THSD4: variants seen among roughly 807,000 people sequenced by gnomAD.
THSD4 encodes the protein thrombospondin type 1 domain containing 4, also known as thrombospondin type-1 domain-containing protein 4.
Under a neutral mutation model 119.0 loss-of-function variants are expected in THSD4, and 69 were observed. That is an observed-to-expected ratio of 0.58 (90% CI 0.48 to 0.71). The LOEUF is 0.71. THSD4 is among the 30% of genes least tolerant of loss of function. The pLI is 0.00. For missense variants in THSD4, 1,393 were observed against 1,391.1 expected, an observed-to-expected ratio of 1.00 and a Z score of -0.02; for synonymous variants, 524 against 540.4, an observed-to-expected ratio of 0.97 and a Z score of 0.42.
intron 6 of THSD4, among the ~76,000 whole-genome samples, chr15:71,297,442 TCTC>T (rs1248604064): frequency 6.6e-6 from 1 of 151,956 alleles, no homozygotes; most frequent in Non-Finnish European, 1.5e-5. Flanking sequence ...TTCAAGTGAT[TCTC>T]CTGCCCCAGC....
At chr15:71,492,086 G>C (rs1477592149) in intron 7 of THSD4, among the ~76,000 whole-genome samples, 1 of 151,062 alleles carries the variant, frequency 6.6e-6, no homozygotes. Context: ...CTGTGGGCAT[G>C]TTAGCTGTTT....
In THSD4 at chr15:71,193,922, A is replaced by G. The variant is rs1055782396; in HGVS notation, c.100-21113A>G. On this transcript the variant is annotated intron_variant, in intron 3 of 17. Coordinates refer to ENST00000261862, the MANE Select transcript of THSD4 (RefSeq NM_024817.3). ...GAGACGGGGTTTCACCGTGTTAGCC[A>G]GGATGATCTCGATCTCCTGACCCCA... is the stretch of plus-strand genomic sequence containing the variant. Among the ~76,000 whole-genome samples the G allele has an allele frequency of 5.3e-5, 8 of 152,244 alleles. No homozygotes were observed. In the East Asian group the frequency reaches 5.8e-4, roughly 11 times the overall value.
chr15:71,170,233 A>C (rs2043343884), intron 3 of THSD4, among the ~76,000 whole-genome samples: 1 of 152,210 alleles, frequency 6.6e-6, no homozygotes, highest in African/African-American at 2.4e-5. Flanking sequence ...GGAGAGAACT[A>C]CACAGACAGA....
rs150507719 is a variant in THSD4, at chr15:71,241,826, C to T, written c.465-823C>T. 9.7e-4 allele frequency among the ~76,000 whole-genome samples: 147 copies of T among 152,324 alleles called. 1 individual carries two copies. Among genetic ancestry groups the T allele is most frequent in the Non-Finnish European group, 1.0e-3 (71 of 68,032 alleles). On this transcript the variant is annotated intron_variant, in intron 4 of 17. Transcript: ENST00000261862. ...TGTCCAACCCATGGCCCATGGGCGT[C>T]ATGTGGCCCAGGATGGCTTTGAATG...
chr15:71,584,908 C>T (rs2049635468), intron 7 of THSD4, among the ~76,000 whole-genome samples: 1 of 152,022 alleles, frequency 6.6e-6, no homozygotes, highest in Non-Finnish European at 1.5e-5. Flanking sequence ...CATAAAACAT[C>T]TTATATCTAT....
At chr15:71,379,810 T>A (rs1050773413) in intron 6 of THSD4, among the ~76,000 whole-genome samples, 1 of 152,062 alleles carries the variant, frequency 6.6e-6, no homozygotes, top group African/African-American at 2.4e-5. Context: ...TTTGTTGTTG[T>A]TGTTGTTGTT....
chr15:71,537,111 G>A (rs1227942223), intron 7 of THSD4, among the ~76,000 whole-genome samples: 1 of 152,018 alleles, frequency 6.6e-6, no homozygotes, highest in Non-Finnish European at 1.5e-5. Context: ...AATATATTGT[G>A]GACCTGAGCC....
At chr15:71,162,388 T>C (rs1808954407) in intron 3 of THSD4, among the ~76,000 whole-genome samples, 1 of 152,072 alleles carries the variant, frequency 6.6e-6, no homozygotes, top group South Asian at 2.1e-4. Flanking sequence ...AAAACAGCTT[T>C]GCTGGAAATA....
chr15:71,476,815 A>G (rs1460183631), intron 7 of THSD4, among the ~76,000 whole-genome samples: 1 of 152,216 alleles, frequency 6.6e-6, no homozygotes, highest in Non-Finnish European at 1.5e-5. Flanking sequence ...CAGCATCAGC[A>G]TCCCTCAGAC....
chr15:71,709,398 A>G (rs369681313), intron 8 of THSD4, among the ~76,000 whole-genome samples: 2 of 152,190 alleles, frequency 1.3e-5, no homozygotes, highest in African/African-American at 4.8e-5. Flanking sequence ...GTGGGGTTCC[A>G]TGGAAAGCTG....
At chr15:71,514,498 A>G (rs1339629629) in intron 7 of THSD4, among the ~76,000 whole-genome samples, 1 of 152,220 alleles carries the variant, frequency 6.6e-6, no homozygotes, top group African/African-American at 2.4e-5. Context: ...GTTACAAATC[A>G]ATTCTTGTGT....
chr15:71,663,001 C>T (rs1217396021), intron 8 of THSD4, among the ~76,000 whole-genome samples: 1 of 152,066 alleles, frequency 6.6e-6, no homozygotes, highest in East Asian at 1.9e-4. Context: ...GTAAGCCCAG[C>T]GCTGTGGGAG....
intron 7 of THSD4, among the ~76,000 whole-genome samples, chr15:71,502,138 C>T (rs2048121262): frequency 6.6e-6 from 1 of 152,070 alleles, no homozygotes; most frequent in African/African-American, 2.4e-5. Flanking sequence ...TAATTAGAGC[C>T]CCATTGTACA....
At chr15:71,514,230 G>A (rs1021812580) in intron 7 of THSD4, among the ~76,000 whole-genome samples, 24 of 152,152 alleles carry the variant, frequency 1.6e-4, no homozygotes, top group Non-Finnish European at 3.2e-4. Flanking sequence ...AGAAAGGAAA[G>A]GCAGAAGTCA....
chr15:71,719,038 A>T (rs1003018480), intron 8 of THSD4, among the ~76,000 whole-genome samples: 2 of 152,246 alleles, frequency 1.3e-5, no homozygotes, highest in African/African-American at 4.8e-5. Context: ...GCTTAAACAT[A>T]CATAAACTTT....
At chr15:71,295,642 C>T (rs2044852311) in intron 6 of THSD4, among the ~76,000 whole-genome samples, 2 of 151,606 alleles carry the variant, frequency 1.3e-5, no homozygotes, top group Admixed American at 6.6e-5. Context: ...CAGTGGTTCT[C>T]AAATCTGCTG....
At chr15:71,731,036 C>T in intron 9 of THSD4, 85 bp from the exon 10 acceptor site, 1 of 1,278,006 alleles carries the variant, frequency 7.8e-7, no homozygotes, top group Non-Finnish European at 1.1e-6. Flanking sequence ...CCAGTCATTT[C>T]TCAGTAGTTC....
At chr15:71,517,679 C>T (rs1229352444) in intron 7 of THSD4, among the ~76,000 whole-genome samples, 2 of 152,194 alleles carry the variant, frequency 1.3e-5, no homozygotes, top group Non-Finnish European at 2.9e-5. Context: ...AAACCTCTGC[C>T]TGTCTCTCAC....
intron 7 of THSD4, among the ~76,000 whole-genome samples, chr15:71,591,081 TATG>T (rs916326054): frequency 6.7e-6 from 1 of 149,892 alleles, no homozygotes; most frequent in Admixed American, 6.6e-5. Flanking sequence ...TGACAGTATG[TATG>T]ATAACAGTAA....
Sources: allele counts gnomAD v4.1 joint callset (sites outside exome capture counted in the v4.1 genomes callset), GRCh38; gene constraint gnomAD v4.1.1; transcripts MANE v1.5; gene names NCBI Gene and HGNC (gene_info 2026-07-23, HGNC 2026-07-21).